The following RAB31 variants were observed in gnomAD, a reference collection of about 807,000 sequenced individuals.
RAB31 encodes the protein RAB31, member RAS oncogene family, also known as ras-related protein Rab-31.
A neutral mutation model predicts 25.6 loss-of-function variants in RAB31; 21 were observed. That is an observed-to-expected ratio of 0.82 (90% CI 0.58 to 1.18). The LOEUF (loss-of-function observed/expected upper bound fraction) is 1.18, where lower values mean the gene tolerates loss of function less well. RAB31 is among the 50% of genes most tolerant of loss of function. The pLI is 0.00. For missense variants in RAB31, 196 were observed against 250.1 expected, an observed-to-expected ratio of 0.78 and a Z score of 1.46; for synonymous variants, 87 against 84.0, an observed-to-expected ratio of 1.04 and a Z score of -0.20.
intron 5 of RAB31, among the ~76,000 whole-genome samples, chr18:9,823,570 C>T (rs1360175549): frequency 2.0e-5 from 3 of 151,788 alleles, no homozygotes; most frequent in Non-Finnish European, 4.4e-5. Flanking sequence ...TGCATGTAAA[C>T]GAATCTACGG....
chr18:9,835,510 G>T (rs1230336437), intron 5 of RAB31, among the ~76,000 whole-genome samples: 1 of 152,170 alleles, frequency 6.6e-6, no homozygotes, highest in African/African-American at 2.4e-5. Flanking sequence ...TAAATCTGTG[G>T]CGAGAACCTG....
chr18:9,762,619 T>C (rs1471987119), intron 1 of RAB31, among the ~76,000 whole-genome samples: 1 of 152,242 alleles, frequency 6.6e-6, no homozygotes, highest in Non-Finnish European at 1.5e-5. Context: ...TCTGCTTAGC[T>C]GCACAGAGTT....
intron 5 of RAB31, among the ~76,000 whole-genome samples, chr18:9,821,135 G>A (rs1287339302): frequency 6.6e-6 from 1 of 151,944 alleles, no homozygotes; most frequent in Non-Finnish European, 1.5e-5. Flanking sequence ...TTATTTAATA[G>A]CATATGCAAT....
At chr18:9,715,259 G>T (rs921170768) in intron 1 of RAB31, among the ~76,000 whole-genome samples, 10 of 152,050 alleles carry the variant, frequency 6.6e-5, no homozygotes, top group Non-Finnish European at 1.3e-4. Flanking sequence ...GGGAAGGAAA[G>T]GTGGGTGTGC....
At chr18:9,772,033 G>A (rs1295431786) in intron 1 of RAB31, among the ~76,000 whole-genome samples, 2 of 152,228 alleles carry the variant, frequency 1.3e-5, no homozygotes, top group Non-Finnish European at 2.9e-5. Flanking sequence ...AGAGGATGAT[G>A]AGTAAAGCTG....
chr18:9,830,683 AT>A (rs1397399566), intron 5 of RAB31: 2 of 152,010 alleles, frequency 1.3e-5, no homozygotes, highest in Non-Finnish European at 2.9e-5. Context: ...TGATTTATCA[AT>A]TTTTTTCTTT....
chr18:9,791,562 T>C (rs1253067710), intron 2 of RAB31, among the ~76,000 whole-genome samples: 1 of 151,416 alleles, frequency 6.6e-6, no homozygotes, highest in African/African-American at 2.4e-5. Flanking sequence ...CATGCCCGGC[T>C]AATTTTTGTT....
intron 3 of RAB31, among the ~76,000 whole-genome samples, chr18:9,805,390 A>G (rs1204788300): frequency 6.6e-6 from 1 of 151,490 alleles, no homozygotes; most frequent in Non-Finnish European, 1.5e-5. Flanking sequence ...TGCCTTTTTC[A>G]GAGACCACTC....
chr18:9,755,959 T>A (rs1346432115), intron 1 of RAB31, among the ~76,000 whole-genome samples: 1 of 152,234 alleles, frequency 6.6e-6, no homozygotes, highest in Non-Finnish European at 1.5e-5. Flanking sequence ...ATTTTAGCAT[T>A]TTTCTCCAAA....
intron 2 of RAB31, among the ~76,000 whole-genome samples, chr18:9,791,368 A>C (rs1478850042): frequency 2.0e-5 from 3 of 148,370 alleles, no homozygotes; most frequent in Middle Eastern, 3.5e-3. Context: ...ATTGAAGCTA[A>C]CTGGTTTTAG....
chr18:9,827,016 A>G (rs1485348030), intron 5 of RAB31, among the ~76,000 whole-genome samples: 3 of 152,000 alleles, frequency 2.0e-5, no homozygotes, highest in Non-Finnish European at 4.4e-5. Context: ...AACCCCATAC[A>G]TTCCGCATAG....
At chr18:9,741,114 G>A (rs1052235814) in intron 1 of RAB31, among the ~76,000 whole-genome samples, 1 of 152,012 alleles carries the variant, frequency 6.6e-6, no homozygotes, top group Non-Finnish European at 1.5e-5. Flanking sequence ...GGTGGCTCAC[G>A]CCTGTAATCC....
At chr18:9,814,169 CTGCT>C in intron 4 of RAB31, 78 bp downstream of exon 4, 1 of 1,068,028 alleles carries the variant, frequency 9.4e-7, no homozygotes, top group South Asian at 1.4e-5. Flanking sequence ...AGAGACGTCA[CTGCT>C]TGCATCTTGC....
intron 3 of RAB31, among the ~76,000 whole-genome samples, chr18:9,792,765 G>C (rs2068467524): frequency 6.6e-6 from 1 of 152,256 alleles, no homozygotes; most frequent in East Asian, 1.9e-4. Flanking sequence ...CCTACTGGTG[G>C]GATCTGGCAG....
At chr18:9,818,663 T>C (rs1397859147) in intron 5 of RAB31, among the ~76,000 whole-genome samples, 1 of 152,228 alleles carries the variant, frequency 6.6e-6, no homozygotes, top group African/African-American at 2.4e-5. Flanking sequence ...ACAAATTTTG[T>C]GTGGATGTAT....
At chr18:9,801,578 G>A (rs992956613) in intron 3 of RAB31, among the ~76,000 whole-genome samples, 21 of 152,134 alleles carry the variant, frequency 1.4e-4, no homozygotes, top group Admixed American at 2.6e-4. Flanking sequence ...ACCGTGCCCG[G>A]CCAGATGCAT....
chr18:9,730,967 C>A (rs1306239288), intron 1 of RAB31, among the ~76,000 whole-genome samples: 1 of 152,214 alleles, frequency 6.6e-6, no homozygotes, highest in African/African-American at 2.4e-5. Context: ...CTGTAGCCAA[C>A]AACTCTTGAG....
chr18:9,809,473 A>G (rs1192716260), intron 3 of RAB31, among the ~76,000 whole-genome samples: 1 of 152,152 alleles, frequency 6.6e-6, no homozygotes, highest in Admixed American at 6.5e-5. Context: ...TGCACTAATT[A>G]TGCTTTGTAA....
chr18:9,842,168 G>T (rs1380658478), intron 5 of RAB31, among the ~76,000 whole-genome samples: 3 of 152,180 alleles, frequency 2.0e-5, no homozygotes, highest in Non-Finnish European at 4.4e-5. Context: ...GTGCTCAGCA[G>T]CCCGGACCCT....
Sources: allele counts gnomAD v4.1 joint callset (sites outside exome capture counted in the v4.1 genomes callset), GRCh38; gene constraint gnomAD v4.1.1; transcripts MANE v1.5; gene names NCBI Gene and HGNC (gene_info 2026-07-23, HGNC 2026-07-21).